Variants in CCR5AS observed in about 807,000 individuals in gnomAD.
CCR5AS encodes the protein CCR5 antisense RNA.
exon 4 of CCR5AS, among the ~76,000 whole-genome samples, chr3:46,364,689 C>T (rs994509021): frequency 6.6e-6 from 1 of 151,742 alleles, no homozygotes; most frequent in Non-Finnish European, 1.5e-5. Flanking sequence ...GATAGTGATT[C>T]CATTGATGGA....
At chr3:46,391,187 G>T (rs145601769) in intron 2 of CCR5AS, among the ~76,000 whole-genome samples, 1 of 152,152 alleles carries the variant, frequency 6.6e-6, no homozygotes, top group African/African-American at 2.4e-5. Flanking sequence ...CCAGATTTCC[G>T]GCACTTGAAG....
intron 1 of CCR5AS, among the ~76,000 whole-genome samples, chr3:46,405,829 A>G (rs1702039606): frequency 6.6e-6 from 1 of 151,472 alleles, no homozygotes; most frequent in South Asian, 2.1e-4. Flanking sequence ...TTTTTCTCTT[A>G]ATAGTTCTCT....
chr3:46,384,849 CATAGATGATAGATAG>C (rs1701844163), intron 2 of CCR5AS, among the ~76,000 whole-genome samples: 1 of 149,002 alleles, frequency 6.7e-6, no homozygotes, highest in African/African-American at 2.5e-5. Flanking sequence ...GGATAGGGTA[CATAGATGATAGATAG>C]ATAGATAGAT....
chr3:46,402,602 GATA>G (rs1180075895), intron 1 of CCR5AS, among the ~76,000 whole-genome samples: 1 of 152,134 alleles, frequency 6.6e-6, no homozygotes, highest in Admixed American at 6.5e-5. Flanking sequence ...TTGACTAATT[GATA>G]ATCTAAGAAA....
At position 46,400,921 on chromosome 3, in the gene CCR5AS, G is replaced by A. The variant is rs146220742; in HGVS notation, n.163+5976C>T. Among the ~76,000 whole-genome samples, 244 of 152,312 alleles carry A rather than the reference G, an allele frequency of 1.6e-3. 3 individuals are homozygous for A. Among genetic ancestry groups the A allele is most frequent in the Middle Eastern group, 0.01 (3 of 294 alleles). ...ACCGAGGCCAAGGATGTCACCTTCT[G>A]ACTCCCAAATCTGAGACAGATGTGA... On this transcript the variant is annotated intron_variant and non_coding_transcript_variant, in intron 1 of 3. Coordinates refer to ENST00000451485, the Ensembl canonical transcript of CCR5AS.
exon 4 of CCR5AS, among the ~76,000 whole-genome samples, chr3:46,364,646 A>T (rs1294729637): frequency 6.6e-6 from 1 of 152,000 alleles, no homozygotes; most frequent in African/African-American, 2.4e-5. Flanking sequence ...ATATATATAT[A>T]TATAGCCTTA....
chr3:46,369,216 A>G (rs1016821650), intron 3 of CCR5AS, among the ~76,000 whole-genome samples: 3 of 152,154 alleles, frequency 2.0e-5, no homozygotes, highest in Admixed American at 2.0e-4. Flanking sequence ...CCTCCACTCT[A>G]CAGTTAAGAA....
chr3:46,398,399 T>C (rs1023918843), intron 1 of CCR5AS, among the ~76,000 whole-genome samples: 1 of 152,208 alleles, frequency 6.6e-6, no homozygotes, highest in African/African-American at 2.4e-5. Flanking sequence ...CCTTGAGTGA[T>C]AGCTGGCAGA....
At chr3:46,397,656 C>A (rs751052922) in intron 1 of CCR5AS, among the ~76,000 whole-genome samples, 1 of 152,194 alleles carries the variant, frequency 6.6e-6, no homozygotes, top group Non-Finnish European at 1.5e-5. Flanking sequence ...GCTCTCCAAT[C>A]TTCTGCCTAA....
chr3:46,374,235 TC>T (rs748287465), intron 2 of CCR5AS: 9 of 310,484 alleles, frequency 2.9e-5, no homozygotes, highest in Non-Finnish European at 5.6e-5. Context: ...TGACAAACTC[TC>T]CCTTCACTCC....
At chr3:46,364,760 A>C (rs1701584300) in exon 4 of CCR5AS, among the ~76,000 whole-genome samples, 1 of 152,202 alleles carries the variant, frequency 6.6e-6, no homozygotes, top group Non-Finnish European at 1.5e-5. Context: ...TGCCATTAGG[A>C]ACATTTGTAA....
chr3:46,376,305 G>C (rs1701757135), intron 2 of CCR5AS: 1 of 152,460 alleles, frequency 6.6e-6, no homozygotes, highest in Non-Finnish European at 1.5e-5. Context: ...TCCTTAGTGT[G>C]TGTGCATGTG....
At chr3:46,402,226 A>G (rs1702010963) in intron 1 of CCR5AS, among the ~76,000 whole-genome samples, 1 of 152,174 alleles carries the variant, frequency 6.6e-6, no homozygotes. Flanking sequence ...GATTATCAAC[A>G]CAGCTGTATT....
intron 1 of CCR5AS, among the ~76,000 whole-genome samples, chr3:46,403,875 C>T (rs1702022812): frequency 6.6e-6 from 1 of 152,168 alleles, no homozygotes; most frequent in Admixed American, 6.5e-5. Flanking sequence ...GGGTCTCCAC[C>T]CAGCACTGGC....
chr3:46,384,084 A>G (rs1186988653), intron 2 of CCR5AS, among the ~76,000 whole-genome samples: 1 of 152,220 alleles, frequency 6.6e-6, no homozygotes, highest in Non-Finnish European at 1.5e-5. Context: ...AAGAGAAAAA[A>G]GAATAGCTCT....
At chr3:46,389,664 T>C (rs1380471875) in intron 2 of CCR5AS, among the ~76,000 whole-genome samples, 1 of 152,038 alleles carries the variant, frequency 6.6e-6, no homozygotes, top group East Asian at 1.9e-4. Flanking sequence ...TCCAGGTCCT[T>C]TTTGAGAGAG....
chr3:46,398,277 C>A (rs1559576190), intron 1 of CCR5AS, among the ~76,000 whole-genome samples: 2 of 152,128 alleles, frequency 1.3e-5, no homozygotes, highest in Non-Finnish European at 2.9e-5. Context: ...CTCAAAACTC[C>A]TCTGGAAAGG....
chr3:46,384,744 A>G (rs1406308458), intron 2 of CCR5AS, among the ~76,000 whole-genome samples: 1 of 152,208 alleles, frequency 6.6e-6, no homozygotes, highest in Non-Finnish European at 1.5e-5. Flanking sequence ...AGGAACTCTT[A>G]TGCAAATGTG....
chr3:46,395,554 A>G (rs1157126004), intron 1 of CCR5AS, among the ~76,000 whole-genome samples: 1 of 152,178 alleles, frequency 6.6e-6, no homozygotes, highest in Non-Finnish European at 1.5e-5. Context: ...AGAGTAAGGT[A>G]AGAGTGGAAA....
Sources: gnomAD v4.1 joint callset for allele counts (sites outside exome capture counted in the v4.1 genomes callset) on GRCh38, gnomAD v4.1.1 for gene constraint, MANE v1.5 for transcripts, NCBI Gene and HGNC (gene_info 2026-07-23, HGNC 2026-07-21) for gene names.